CR2: variants seen among roughly 807,000 people sequenced by gnomAD.
CR2 encodes the protein complement receptor type 2.
In CR2, 96 loss-of-function variants were observed where a neutral mutation model predicts 123.0. The observed-to-expected ratio is 0.78, with a 90% confidence interval of 0.66 to 0.93. The LOEUF (loss-of-function observed/expected upper bound fraction) is 0.93, where lower values mean the gene tolerates loss of function less well. Ranked by LOEUF, CR2 falls within the 40% of genes least tolerant of loss-of-function variation. The pLI is 0.00. For synonymous variants in CR2, 484 were observed against 469.5 expected (o/e 1.03, Z -0.40); for missense variants, 1,258 against 1,361.0 (o/e 0.92, Z 1.19).
chr1:207,480,758 C>T (rs1482003123), intron 18 of CR2, among the ~76,000 whole-genome samples: 1 of 152,058 alleles, frequency 6.6e-6, no homozygotes, highest in East Asian at 1.9e-4. Flanking sequence ...TTTCCTGCTT[C>T]ATTGATTTGC....
At chr1:207,485,851 A>G (rs988679391) in intron 19 of CR2, among the ~76,000 whole-genome samples, 4 of 152,328 alleles carry the variant, frequency 2.6e-5, no homozygotes, top group Admixed American at 6.5e-5. Context: ...GACATAATAA[A>G]GCAGGCAAGG....
In CR2 at chr1:207,470,897, C is replaced by G. The variant is rs150464766; in HGVS notation, c.1383C>G (p.Pro461=). 40 of 1,613,778 alleles carry G rather than the reference C, an allele frequency of 2.5e-5. No individual in the cohort carries two copies. In the African/African-American group the frequency reaches 4.4e-4, roughly 18 times the overall value. ...IQCTSEGVWT[P]PVPQCKVAAC... is the part of the protein sequence containing the mutation. ...GTACCTCTGAGGGGGTGTGGACACC[C>G]CCTGTACCCCAATGCAAAGGTGCCA... The change falls in exon 7 of 20, where the codon CCC becomes CCG. Residue 461 remains proline, a synonymous_variant. Transcript: ENST00000367057.
Position 207,473,076 on chromosome 1 carries a change from T to C in CR2, c.1875T>C (p.Thr625=). 6.2e-7 allele frequency: 1 copy of C among 1,614,002 alleles called. No homozygotes were observed. Among genetic ancestry groups the C allele is most frequent in the Non-Finnish European group, 8.5e-7 (1 of 1,179,908 alleles). ...AAGCCCCATATTTCTACAATGACACTGTGACATTCAAGTGTTATAGTGGAT... is the reference window on the plus strand; with the variant it reads ...AAGCCCCATATTTCTACAATGACACCGTGACATTCAAGTGTTATAGTGGAT... ...GKEAPYFYND[T]VTFKCYSGFT... The change falls in exon 10 of 20, where the codon ACT becomes ACC. Residue 625 remains threonine (T), a synonymous_variant. Coordinates refer to ENST00000367057, the MANE Select transcript of CR2 (RefSeq NM_001006658.3).
Position 207,487,280 on chromosome 1 carries a change from C to T in CR2, c.*18+1708C>T, listed in dbSNP as rs1658776254. 2.0e-5 allele frequency among the ~76,000 whole-genome samples: 3 copies of T among 152,126 alleles called. No homozygotes were observed. The South Asian group carries it at 6.2e-4, about 32-fold the overall frequency. On this transcript the variant is annotated intron_variant, in intron 19 of 19. Transcript: ENST00000367057. ...AAAACTGACCATTGAAATTCAGTAG[C>T]ACAATTTTTTTGCTGTTGTTGTTTG... is the stretch of plus-strand genomic sequence containing the variant.
intron 14 of CR2, 45 bp from the exon 15 acceptor site, chr1:207,476,189 G>A: frequency 1.3e-6 from 2 of 1,580,416 alleles, no homozygotes; most frequent in Non-Finnish European, 1.7e-6. Context: ...CAGGCTATGT[G>A]TTCCTCTGTG....
rs749077626 is a variant in CR2 at position 207,468,875 on chromosome 1, C to T, written c.710C>T (p.Thr237Ile). 2 of 1,613,992 alleles carry T rather than the reference C, an allele frequency of 1.2e-6. No individual in the cohort carries two copies. Among genetic ancestry groups the T allele is most frequent in the East Asian group, 4.5e-5 (2 of 44,880 alleles). ...KEPPILRVGV[T>I]ANFFCDEGYR... ...CCTCCAATTCTCCGGGTTGGTGTAA[C>T]TGCAAACTTTTTCTGTGATGAAGGG... The change falls in exon 4 of 20, where the codon ACT becomes ATT. Residue 237 changes from threonine to isoleucine, a missense_variant. Transcript: ENST00000367057.
intron 1 of CR2, among the ~76,000 whole-genome samples, chr1:207,464,167 A>T (rs1658032287): frequency 6.6e-6 from 1 of 152,112 alleles, no homozygotes; most frequent in Admixed American, 6.5e-5. Context: ...TGGGGCGGGG[A>T]CTGGTGACCA....
intron 1 of CR2, among the ~76,000 whole-genome samples, chr1:207,458,069 C>CACACACACACACACACAT (rs1553278516): frequency 1.4e-5 from 2 of 147,032 alleles, no homozygotes; most frequent in African/African-American, 2.6e-5. Context: ...AACACACACA[C>CACACACACACACACACAT]ACACACACAC....
At position 207,469,932 on chromosome 1, in the gene CR2, C is replaced by CA; in HGVS notation, c.1056dup (p.His353ThrfsTer20). The CA allele has an allele frequency of 6.2e-7, 1 of 1,613,968 alleles. No individual in the cohort carries two copies. The highest frequency in any genetic ancestry group is 8.5e-7 in the Non-Finnish European group (1 of 1,179,950). ...CTTTCTACTTCTGCGGTTCAGTGTC[C>CA]ACATCCCCAGATCCTAAGAGGCCGA... On this transcript the variant is annotated frameshift_variant, in exon 6 of 20. Transcript: ENST00000367057. LOFTEE classifies it high-confidence loss of function.
intron 17 of CR2, among the ~76,000 whole-genome samples, chr1:207,479,666 G>A (rs527901765): frequency 3.3e-5 from 5 of 152,148 alleles, no homozygotes; most frequent in Non-Finnish European, 5.9e-5. Context: ...CTATTCTTGA[G>A]ATTTCTCTCT....
chr1:207,469,984 T>A lies in CR2; in HGVS notation c.1107T>A (p.Tyr369Ter). The A allele has an allele frequency of 6.2e-7, 1 of 1,613,990 alleles. No individual in the cohort carries two copies. Residue 369 changes from tyrosine (Y) to a stop codon, truncating the protein, a stop_gained, in exon 6 of 20, where the codon TAT becomes TAA. Transcript: ENST00000367057. LOFTEE classifies it high-confidence loss of function. ...GRMVSGQKDR[Y>*]TYNDTVIFAC... ...TGGTATCTGGGCAGAAAGATCGATA[T>A]ACCTATAACGACACTGTGATATTTG... is the stretch of plus-strand genomic sequence containing the variant.
At position 207,472,923 on chromosome 1, in the gene CR2, C is replaced by T. The variant is rs752849491; in HGVS notation, c.1722C>T (p.Ile574=). Residue 574 remains isoleucine (I), a synonymous_variant, in exon 10 of 20, where the codon ATC becomes ATT. Coordinates refer to ENST00000367057, the MANE Select transcript of CR2 (RefSeq NM_001006658.3). ...VEFSLIGEST[I]RCTSNDQERG... ...TCAGCCTCATTGGAGAGAGCACCATCCGTTGTACAAGCAATGATCAAGAAA... is the reference window on the plus strand; with the variant it reads ...TCAGCCTCATTGGAGAGAGCACCATTCGTTGTACAAGCAATGATCAAGAAA... 1.9e-6 allele frequency: 3 copies of T among 1,614,034 alleles called. No individual in the cohort carries two copies. The South Asian group carries it at 3.3e-5, about 18-fold the overall frequency.
At chr1:207,464,846 C>A (rs917892098) in intron 1 of CR2, among the ~76,000 whole-genome samples, 1 of 151,928 alleles carries the variant, frequency 6.6e-6, no homozygotes, top group Non-Finnish European at 1.5e-5. Context: ...ATATATGGTA[C>A]CTATGGAAAG....
Position 207,475,121 on chromosome 1 carries a change from A to G in CR2, c.2621A>G (p.Asp874Gly). 6.2e-7 allele frequency: 1 copy of G among 1,612,698 alleles called. No homozygotes were observed. Among genetic ancestry groups the G allele is most frequent in the Non-Finnish European group, 8.5e-7 (1 of 1,179,306 alleles). ...AYSHNDIVYV[D>G]CNPGFIMNGS... ...TCCCACAATGACATAGTGTATGTTG[A>G]CTGCAATCCTGGCTTCATCATGAAT... The change falls in exon 14 of 20, where the codon GAC (aspartate) becomes GGC (glycine). Residue 874 changes from aspartate to glycine, a missense_variant. Physicochemically the swap from Asp to Gly is moderately conservative, Grantham distance 94. Transcript: ENST00000367057.
Position 207,489,619 on chromosome 1 carries a change from G to A in CR2, c.*496G>A, listed in dbSNP as rs1051914769. The A allele has an allele frequency of 6.6e-6, 1 of 152,104 alleles. No homozygotes were observed. The highest frequency in any genetic ancestry group is 2.4e-5 in the African/African-American group (1 of 41,422). The allele number at this position is 152,104 out of a possible 1,614,324, so 9.4% of individuals were successfully genotyped here. A position where few individuals can be genotyped will look rare whatever the true frequency, so the allele number is the denominator to read the frequency against. ...ATTTTGATAGTAGCTTCCTCCTCTG[G>A]TGGTGTTAATCATTTCATTTTTACC... On this transcript the variant is annotated 3_prime_UTR_variant, in exon 20 of 20. Coordinates refer to ENST00000367057, the MANE Select transcript of CR2 (RefSeq NM_001006658.3).
In CR2 at chr1:207,466,887, G is replaced by A. The variant is rs761774180; in HGVS notation, c.420G>A (p.Pro140=). The change falls in exon 2 of 20, where the codon CCG becomes CCA. Residue 140 remains proline (P), a synonymous_variant. Transcript: ENST00000367057. The part of the protein sequence containing the change: ...VWCQANNMWG[P]TRLPTCVSVF... ...GTCAAGCAAATAATATGTGGGGGCC[G>A]ACACGACTACCAACCTGTGTAAGTG... 24 of 1,602,748 alleles carry A rather than the reference G, an allele frequency of 1.5e-5. No individual in the cohort carries two copies. In the East Asian group the frequency reaches 1.8e-4, roughly 12 times the overall value.
intron 1 of CR2, among the ~76,000 whole-genome samples, chr1:207,463,507 T>C (rs1355439767): frequency 6.6e-6 from 1 of 152,176 alleles, no homozygotes; most frequent in Non-Finnish European, 1.5e-5. Context: ...TTCATTTGGC[T>C]TTAAATTGTA....
At chr1:207,480,648 A>T (rs144567151) in intron 18 of CR2, among the ~76,000 whole-genome samples, 2 of 152,260 alleles carry the variant, frequency 1.3e-5, no homozygotes, top group East Asian at 1.9e-4. Flanking sequence ...TAAGTGCATG[A>T]GCATTTAATA....
At chr1:207,480,326 A>G (rs1179803028) in intron 18 of CR2, among the ~76,000 whole-genome samples, 1 of 152,196 alleles carries the variant, frequency 6.6e-6, no homozygotes, top group Non-Finnish European at 1.5e-5. Flanking sequence ...AACGACTGCA[A>G]ATACTTTGGT....
Sources: allele counts gnomAD v4.1 joint callset (sites outside exome capture counted in the v4.1 genomes callset), GRCh38; gene constraint gnomAD v4.1.1; transcripts MANE v1.5; gene names NCBI Gene and HGNC (gene_info 2026-07-23, HGNC 2026-07-21).